The following ANKRD44 variants were observed in gnomAD, a reference collection of about 807,000 sequenced individuals.
The protein encoded by ANKRD44 is serine/threonine-protein phosphatase 6 regulatory ankyrin repeat subunit B.
In ANKRD44, 35 loss-of-function variants were observed where a neutral mutation model predicts 116.0. The observed-to-expected ratio is 0.30, with a 90% CI of 0.23 to 0.40. The LOEUF is 0.40. Ranked by LOEUF, ANKRD44 falls within the 10% of genes least tolerant of loss-of-function variation. The pLI is 1.00. For synonymous variants in ANKRD44, 435 were observed against 461.8 expected, an observed-to-expected ratio of 0.94 and a Z score of 0.74; for missense variants, 1,014 against 1,242.6, an observed-to-expected ratio of 0.82 and a Z score of 2.77.
At chr2:197,148,301 G>A (rs1420724501) in intron 2 of ANKRD44, among the ~76,000 whole-genome samples, 1 of 152,166 alleles carries the variant, frequency 6.6e-6, no homozygotes, top group Non-Finnish European at 1.5e-5. Context: ...CATAGTAGCA[G>A]CATACTTGGT....
At chr2:197,270,031 A>G (rs1332741481) in intron 1 of ANKRD44, among the ~76,000 whole-genome samples, 1 of 152,190 alleles carries the variant, frequency 6.6e-6, no homozygotes, top group Non-Finnish European at 1.5e-5. Context: ...TTGCTGTCTC[A>G]GACCCCACCC....
chr2:197,037,225 A>C (rs1301961200), intron 16 of ANKRD44, among the ~76,000 whole-genome samples: 1 of 152,228 alleles, frequency 6.6e-6, no homozygotes, highest in African/African-American at 2.4e-5. Context: ...ACAAATAAAC[A>C]TTACTAGAGA....
chr2:197,222,042 C>G (rs745364277), intron 1 of ANKRD44, among the ~76,000 whole-genome samples: 2 of 152,196 alleles, frequency 1.3e-5, no homozygotes, highest in Non-Finnish European at 2.9e-5. Context: ...TTCAATGACT[C>G]AAATACTCTC....
chr2:197,063,034 T>C (rs546827214), intron 16 of ANKRD44, among the ~76,000 whole-genome samples: 1 of 151,270 alleles, frequency 6.6e-6, no homozygotes, highest in Admixed American at 6.6e-5. Context: ...AGTGGGTCCC[T>C]GACCCCCGAG....
intron 1 of ANKRD44, among the ~76,000 whole-genome samples, chr2:197,305,192 A>G (rs2084033252): frequency 1.3e-5 from 2 of 150,046 alleles, no homozygotes; most frequent in African/African-American, 2.5e-5. Context: ...CAGGAAAAAA[A>G]ACAAAAACAA....
intron 1 of ANKRD44, among the ~76,000 whole-genome samples, chr2:197,284,955 A>AT (rs2083369380): frequency 6.6e-6 from 1 of 151,666 alleles, no homozygotes; most frequent in South Asian, 2.1e-4. Context: ...ACTACTTACA[A>AT]TAGAAATATA....
chr2:197,225,821 T>C (rs1298164516), intron 1 of ANKRD44, among the ~76,000 whole-genome samples: 1 of 152,212 alleles, frequency 6.6e-6, no homozygotes, highest in African/African-American at 2.4e-5. Flanking sequence ...GGGGTGGAAA[T>C]TGCTGTTTAC....
At chr2:197,117,612 C>T (rs554858353) in intron 8 of ANKRD44, among the ~76,000 whole-genome samples, 15 of 151,922 alleles carry the variant, frequency 9.9e-5, no homozygotes, top group African/African-American at 3.4e-4. Flanking sequence ...TCAGGTGATC[C>T]ACCCACCTCG....
chr2:197,113,078 G>C (rs1464553917), intron 8 of ANKRD44, among the ~76,000 whole-genome samples: 1 of 152,152 alleles, frequency 6.6e-6, no homozygotes, highest in African/African-American at 2.4e-5. Context: ...TCTTCTATGA[G>C]TATAATCTGA....
At chr2:197,179,919 G>C (rs60697753) in intron 2 of ANKRD44, among the ~76,000 whole-genome samples, 34,005 of 152,160 alleles carry the variant, frequency 0.22, 4,002 homozygotes, top group Middle Eastern at 0.27. Context: ...ATCCTGGGCA[G>C]GGGTCCAACA....
intron 1 of ANKRD44, among the ~76,000 whole-genome samples, chr2:197,196,519 A>C (rs1303888011): frequency 6.6e-6 from 1 of 152,232 alleles, no homozygotes; most frequent in African/African-American, 2.4e-5. Context: ...AGAATCTCAC[A>C]AATTGGAAGC....
chr2:197,167,826 C>T (rs1464229774), intron 2 of ANKRD44, among the ~76,000 whole-genome samples: 1 of 152,182 alleles, frequency 6.6e-6, no homozygotes, highest in Non-Finnish European at 1.5e-5. Context: ...TCATGCAAAA[C>T]ATGCAGATTT....
intron 2 of ANKRD44, among the ~76,000 whole-genome samples, chr2:197,177,271 A>T (rs2080388177): frequency 6.6e-6 from 1 of 152,226 alleles, no homozygotes. Context: ...AGCTTGAGCA[A>T]AACTAATAAT....
intron 2 of ANKRD44, among the ~76,000 whole-genome samples, chr2:197,159,767 T>G (rs61609220): frequency 0.013 from 2,043 of 152,306 alleles, 43 homozygotes; most frequent in African/African-American, 0.046. Flanking sequence ...TGATCAAGTA[T>G]GTATTATTGT....
intron 1 of ANKRD44, chr2:197,301,531 A>G (rs1375093209): frequency 6.6e-6 from 1 of 152,188 alleles, no homozygotes; most frequent in East Asian, 1.9e-4. Flanking sequence ...AAATAGGACA[A>G]TATGTGATCT....
rs116351162 is a variant in ANKRD44 at position 196,969,823 on chromosome 2, C to T, written c.2369-2377G>A. On this transcript the variant is annotated intron_variant, in intron 21 of 21. Transcript: ENST00000424317. ...AATAGTGTTCAGAACCAGCTCTAAGCTCCGCAGCTAAGGAGTAATGAAGAA... is the reference window on the plus strand; with the variant it reads ...AATAGTGTTCAGAACCAGCTCTAAGTTCCGCAGCTAAGGAGTAATGAAGAA... Among the ~76,000 whole-genome samples the T allele has an allele frequency of 3.4e-3, 524 of 152,284 alleles. 3 individuals are homozygous for T. The highest frequency in any genetic ancestry group is 0.011 in the African/African-American group (476 of 41,564).
chr2:197,065,955 C>T (rs563681653), intron 16 of ANKRD44, among the ~76,000 whole-genome samples: 17 of 152,274 alleles, frequency 1.1e-4, no homozygotes, highest in African/African-American at 4.1e-4. Flanking sequence ...CAGCATCATC[C>T]TGATACCAAA....
At position 196,979,554 on chromosome 2, in the gene ANKRD44, CTTTTTTTTTTT is replaced by C. The variant is rs71012942; in HGVS notation, c.2369-12119_2369-12109del. Among the ~76,000 whole-genome samples the C allele has an allele frequency of 5.8e-3, 344 of 59,642 alleles. 1 individual carries two copies. Among genetic ancestry groups the C allele is most frequent in the Non-Finnish European group, 8.8e-3 (291 of 33,078 alleles). 39.1% of individuals were successfully genotyped at this position (59,642 alleles called of 152,430 possible). A position where few individuals can be genotyped will look rare whatever the true frequency, so the allele number is the denominator to read the frequency against. ...CAGCCTGAGTAATTTAATAAGATGA[CTTTTTTTTTTT>C]TTTTTTTTTTTTTTTAAGACAGAGT... On this transcript the variant is annotated intron_variant, in intron 21 of 21. Coordinates refer to the ANKRD44 transcript ENST00000424317.
intron 12 of ANKRD44, among the ~76,000 whole-genome samples, chr2:197,088,132 T>G (rs2077967496): frequency 6.6e-6 from 1 of 152,196 alleles, no homozygotes; most frequent in African/African-American, 2.4e-5. Flanking sequence ...TGATCAGAGC[T>G]TCAATCTTAC....
Sources: gnomAD v4.1 joint callset for allele counts (sites outside exome capture counted in the v4.1 genomes callset) on GRCh38, gnomAD v4.1.1 for gene constraint, MANE v1.5 for transcripts, NCBI Gene and HGNC (gene_info 2026-07-23, HGNC 2026-07-21) for gene names.